The following SART3 variants were observed in gnomAD, a reference collection of about 807,000 sequenced individuals.
SART3 encodes HIV-1 Tat-interacting protein of 110kDa.
A neutral mutation model predicts 122.3 loss-of-function variants in SART3; 44 were observed. The observed-to-expected ratio is 0.36, with a 90% CI of 0.28 to 0.46. The LOEUF is 0.46. SART3 is among the 20% of genes least tolerant of loss of function. The probability of loss-of-function intolerance (pLI) is 1.00; values close to 1 mark genes in which losing one functional copy is unlikely to be tolerated. For missense variants in SART3, 1,101 were observed against 1,229.0 expected (o/e 0.90, Z 1.56); for synonymous variants, 442 against 454.0 (o/e 0.97, Z 0.34).
chr12:108,560,524 C>T (rs1370851101), intron 1 of SART3: 1 of 408,878 alleles, frequency 2.4e-6, no homozygotes, highest in Non-Finnish European at 4.3e-6. Flanking sequence ...GGAATGGGAT[C>T]AAAGTACAAG....
intron 1 of SART3, among the ~76,000 whole-genome samples, chr12:108,555,238 A>T (rs927203100): frequency 6.6e-6 from 1 of 152,256 alleles, no homozygotes; most frequent in Non-Finnish European, 1.5e-5. Context: ...CATTTCTATA[A>T]ACCAGCAAGC....
intron 1 of SART3, among the ~76,000 whole-genome samples, chr12:108,554,955 T>A (rs2030155338): frequency 6.6e-6 from 1 of 152,116 alleles, no homozygotes; most frequent in South Asian, 2.1e-4. Flanking sequence ...TGTATAAAAA[T>A]CAATTATATA....
In SART3 at chr12:108,536,753, C is replaced by A. The variant is rs200546168; in HGVS notation, c.1342G>T (p.Ala448Ser). 1 of 1,613,882 alleles carries A rather than the reference C, an allele frequency of 6.2e-7. No homozygotes were observed. Among genetic ancestry groups the A allele is most frequent in the East Asian group, 2.2e-5 (1 of 44,882 alleles). The change falls in exon 10 of 19, where the codon GCC becomes TCC. Residue 448 changes from alanine to serine, a missense_variant. Physicochemically the swap from Ala to Ser is moderately conservative, Grantham distance 99. Coordinates refer to ENST00000546815, the MANE Select transcript of SART3 (RefSeq NM_014706.4). ...SSKELEELRA[A>S]FTRALEYLKQ... ...AGATACTCCAAGGCACGAGTAAAGG[C>A]GGCCCTCAACTCCTCCAGCTCTTTA...
intron 11 of SART3, chr12:108,535,707 C>T (rs937807650): frequency 1.5e-5 from 8 of 521,946 alleles, no homozygotes; most frequent in East Asian, 3.7e-5. Context: ...AGGGAGCGCA[C>T]GGTACTTACT....
Position 108,560,964 on chromosome 12 carries a change from TCGCTCA to T in SART3, c.185_190del (p.Val62_Ser63del). Reference sequence around the variant, plus strand: ...CATGGCGTACTCATCCCCATCGCTCTCGCTCACGCCTTCCTCCTGCTGATCCCACGC... The same window carrying T: ...CATGGCGTACTCATCCCCATCGCTCTCGCCTTCCTCCTGCTGATCCCACGC... On this transcript the variant is annotated inframe_deletion, in exon 1 of 19. Coordinates refer to ENST00000546815, the MANE Select transcript of SART3 (RefSeq NM_014706.4). 6.2e-7 allele frequency: 1 copy of T among 1,614,134 alleles called. No homozygotes were observed.
chr12:108,532,438 C>A, intron 12 of SART3, 104 bp from the exon 13 acceptor site: 1 of 875,740 alleles, frequency 1.1e-6, no homozygotes, highest in Middle Eastern at 2.1e-4. Context: ...TTCAGTAACT[C>A]TAGCTTCTGA....
intron 18 of SART3, chr12:108,523,984 G>A (rs1421419414): frequency 2.8e-5 from 15 of 545,276 alleles, no homozygotes; most frequent in South Asian, 4.2e-5. Flanking sequence ...AGCTAGGGCC[G>A]TAGACTGGCA....
chr12:108,560,446 C>T, intron 1 of SART3: 1 of 333,414 alleles, frequency 3.0e-6, no homozygotes, highest in Non-Finnish European at 5.4e-6. Context: ...TCCTACATAA[C>T]AAAATAACAC....
intron 6 of SART3, among the ~76,000 whole-genome samples, chr12:108,541,948 C>CCTT (rs1439980129): frequency 2.0e-5 from 3 of 151,440 alleles, no homozygotes; most frequent in Non-Finnish European, 4.4e-5. Context: ...AATCCTCCTA[C>CCTT]CTTCGCCTCT....
chr12:108,546,214 T>G (rs1466557605), intron 3 of SART3, among the ~76,000 whole-genome samples: 1 of 152,146 alleles, frequency 6.6e-6, no homozygotes. Context: ...ATTGTTTGTT[T>G]GTTGAGACAC....
intron 3 of SART3, among the ~76,000 whole-genome samples, chr12:108,546,018 A>C (rs1873401128): frequency 6.6e-6 from 1 of 151,980 alleles, no homozygotes; most frequent in Non-Finnish European, 1.5e-5. Flanking sequence ...TTCATAAAAC[A>C]CCGCTTATTT....
In SART3 at chr12:108,545,170, T is replaced by A. The variant is rs1228060704; in HGVS notation, c.698A>T (p.Glu233Val). ...KGLALWEAYREFESAIVEAAR... is the reference protein window; with the variant it reads ...KGLALWEAYRVFESAIVEAAR... Reference sequence around the variant, plus strand: ...AGCTTCCACAATCGCACTTTCAAACTCTCGGTAAGCCTCCCAGAGGGCGAG... The same window carrying A: ...AGCTTCCACAATCGCACTTTCAAACACTCGGTAAGCCTCCCAGAGGGCGAG... Residue 233 changes from glutamate to valine, a missense_variant, in exon 4 of 19, where the codon GAG (glutamate) becomes GTG (valine). Coordinates refer to ENST00000546815, the MANE Select transcript of SART3 (RefSeq NM_014706.4). 1.2e-6 allele frequency: 2 copies of A among 1,613,794 alleles called. No individual in the cohort carries two copies. Among genetic ancestry groups the A allele is most frequent in the Non-Finnish European group, 1.7e-6 (2 of 1,179,990 alleles).
chr12:108,549,479 T>C lies in SART3; in HGVS notation c.313-265A>G, dbSNP rs572163751. ...GGTTCTCTTGGAAATAAAGGAGGCATTCTAATGAAACAAATAAAAAGTATG... is the reference window on the plus strand; with the variant it reads ...GGTTCTCTTGGAAATAAAGGAGGCACTCTAATGAAACAAATAAAAAGTATG... On this transcript the variant is annotated intron_variant, in intron 1 of 18. Transcript: ENST00000546815. Among the ~76,000 whole-genome samples, 5 of 152,298 alleles carry C rather than the reference T, an allele frequency of 3.3e-5. No homozygotes were observed. The South Asian group carries it at 8.3e-4, about 25-fold the overall frequency.
chr12:108,525,483 C>G lies in SART3; in HGVS notation c.2497G>C (p.Val833Leu), dbSNP rs759248577. 1.2e-6 allele frequency: 2 copies of G among 1,614,198 alleles called. No individual in the cohort carries two copies. Among genetic ancestry groups the G allele is most frequent in the Non-Finnish European group, 8.5e-7 (1 of 1,180,044 alleles). The change falls in exon 17 of 19, where the codon GTC becomes CTC. Residue 833 changes from valine to leucine, a missense_variant. By Grantham distance (32) the Val-to-Leu change is conservative. Around this residue, in one of 2 missense-constraint regions of SART3, gnomAD observed 885 missense variants for 1,080.1 expected, o/e 0.82. Transcript: ENST00000546815. ...AHGTVKDLRLVTNRAGKPKGL... is the reference protein window; with the variant it reads ...AHGTVKDLRLLTNRAGKPKGL... ...TTTGGTTTGCCAGCCCGGTTGGTGA[C>G]CAGCCTGAGGTCCTTCACGGTGCCA...
intron 4 of SART3, 61 bp from the exon 5 acceptor site, chr12:108,544,539 A>C: frequency 2.5e-6 from 4 of 1,612,702 alleles, no homozygotes; most frequent in Non-Finnish European, 3.4e-6. Context: ...CGGGCTAAAG[A>C]AGCAAATTAG....
At chr12:108,538,568 CA>C (rs1873016575) in intron 7 of SART3, among the ~76,000 whole-genome samples, 1 of 152,172 alleles carries the variant, frequency 6.6e-6, no homozygotes, top group Admixed American at 6.5e-5. Context: ...GACTACAGAT[CA>C]AAGTAAACTA....
chr12:108,544,632 T>G lies in SART3; in HGVS notation c.730-154A>C, dbSNP rs138601457. The G allele has an allele frequency of 3.5e-5, 35 of 988,594 alleles. No individual in the cohort carries two copies. The African/African-American group carries it at 5.1e-4, about 14-fold the overall frequency. 61.2% of individuals were successfully genotyped at this position (988,594 alleles called of 1,614,324 possible). ...CCCTGGCTGGAGTGTGGTGGTGTGA[T>G]CACAACTCACTACAGCCTCACACTC... On this transcript the variant is annotated intron_variant, in intron 4 of 18. Coordinates refer to ENST00000546815, the MANE Select transcript of SART3 (RefSeq NM_014706.4).
rs776653159 is a variant in SART3, at chr12:108,560,933, G to A, written c.222C>T (p.Ser74=). 48 of 1,613,950 alleles carry A rather than the reference G, an allele frequency of 3.0e-5. No homozygotes were observed. Among genetic ancestry groups the A allele is most frequent in the Non-Finnish European group, 3.8e-5 (45 of 1,179,936 alleles). Residue 74 remains serine (S), a synonymous_variant, in exon 1 of 19, where the codon TCC becomes TCT. Transcript: ENST00000546815. ...ESDGDEYAMA[S]SAESSPGEYE... ...ACTCCCCGGGGGAGCTCTCCGCGGA[G>A]GAAGCCATGGCGTACTCATCCCCAT...
In SART3 at chr12:108,526,503, C is replaced by T; in HGVS notation, c.1966G>A (p.Glu656Lys). The change falls in exon 16 of 19, where the codon GAA (glutamate) becomes AAA (lysine). Residue 656 changes from glutamate (E) to lysine (K), a missense_variant. Transcript: ENST00000546815. ...GCTGCTACTTCTACATTTTGTGTTTCTCCAGCTGCAGGGATGCTGTTCTCG... is the reference window on the plus strand; with the variant it reads ...GCTGCTACTTCTACATTTTGTGTTTTTCCAGCTGCAGGGATGCTGTTCTCG... ...RVENSIPAAGETQNVEVAAGP... is the reference protein window; with the variant it reads ...RVENSIPAAGKTQNVEVAAGP... 1 of 1,614,202 alleles carries T rather than the reference C, an allele frequency of 6.2e-7. No individual in the cohort carries two copies. Among genetic ancestry groups the T allele is most frequent in the Non-Finnish European group, 8.5e-7 (1 of 1,180,042 alleles).
Sources: allele counts gnomAD v4.1 joint callset (sites outside exome capture counted in the v4.1 genomes callset), GRCh38; gene constraint gnomAD v4.1.1; regional missense constraint gnomAD v4.1.1; transcripts MANE v1.5; gene names NCBI Gene and HGNC (gene_info 2026-07-23, HGNC 2026-07-21).